EYS: variants seen among roughly 807,000 people sequenced by gnomAD.
The protein encoded by EYS is protein eyes shut homolog.
EYS carries 250 observed loss-of-function variants against 282.1 expected under a neutral mutation model. The ratio of observed to expected loss-of-function variants is 0.89; its 90% CI spans 0.80 to 0.98. The LOEUF (loss-of-function observed/expected upper bound fraction) is 0.98. Ranked by LOEUF, EYS falls within the 50% of genes least tolerant of loss-of-function variation. The probability of loss-of-function intolerance (pLI) is 0.00; values close to 1 mark genes in which losing one functional copy is unlikely to be tolerated. For synonymous variants in EYS, 1,355 were observed against 1,282.9 expected (o/e 1.06, Z -1.20); for missense variants, 4,016 against 3,709.0 (o/e 1.08, Z -2.15).
intron 5 of EYS, among the ~76,000 whole-genome samples, chr6:65,449,522 A>T (rs1318439032): frequency 6.6e-6 from 1 of 152,100 alleles, no homozygotes; most frequent in East Asian, 1.9e-4. Context: ...AGGTTAGTAT[A>T]CATTGTTGCC....
intron 8 of EYS, among the ~76,000 whole-genome samples, chr6:65,356,008 T>C (rs1764467878): frequency 6.6e-6 from 1 of 152,014 alleles, no homozygotes; most frequent in Non-Finnish European, 1.5e-5. Context: ...AATCATTATA[T>C]AAAAGAGATA....
In EYS at chr6:64,282,978, ACT is replaced by A. The variant is rs537809066; in HGVS notation, c.6191+23990_6191+23991del. Among the ~76,000 whole-genome samples, 410 of 152,064 alleles carry A rather than the reference ACT, an allele frequency of 2.7e-3. 1 individual carries two copies. The highest frequency in any genetic ancestry group is 4.3e-3 in the Non-Finnish European group (295 of 67,984). On this transcript the variant is annotated intron_variant, in intron 30 of 42. Transcript: ENST00000503581. ...ACATCATGTCTTGTCACTGCTCAAAACTCTGTTTCCCAGTCATACTGAAATTG... is the reference window on the plus strand; with the variant it reads ...ACATCATGTCTTGTCACTGCTCAAAACTGTTTCCCAGTCATACTGAAATTG...
chr6:65,302,069 A>T (rs1163657540), intron 11 of EYS, among the ~76,000 whole-genome samples: 35 of 151,960 alleles, frequency 2.3e-4, no homozygotes, highest in African/African-American at 8.2e-4. Context: ...TGATCCTTTG[A>T]CTCTCAAGTT....
intron 26 of EYS, among the ~76,000 whole-genome samples, chr6:64,550,033 C>T (rs142642664): frequency 2.0e-5 from 3 of 151,948 alleles, no homozygotes; most frequent in African/African-American, 7.3e-5. Flanking sequence ...GATGGTTTCC[C>T]GCTTCATCCA....
chr6:64,248,183 T>TTGTGTGTGTG (rs10589491), intron 30 of EYS, among the ~76,000 whole-genome samples: 149 of 146,400 alleles, frequency 1.0e-3, no homozygotes, highest in African/African-American at 3.5e-3. Context: ...CAGAAGAAGC[T>TTGTGTGTGTG]TGTGTGTGTG....
intron 15 of EYS, among the ~76,000 whole-genome samples, chr6:64,921,586 C>G (rs1362070376): frequency 6.6e-6 from 1 of 152,082 alleles, no homozygotes; most frequent in African/African-American, 2.4e-5. Flanking sequence ...AAGCCGGAGT[C>G]CAAGTGATAT....
chr6:63,854,121 T>G (rs1042963214), intron 36 of EYS, among the ~76,000 whole-genome samples: 3 of 152,176 alleles, frequency 2.0e-5, no homozygotes, highest in African/African-American at 7.2e-5. Context: ...CCCAAAGGAT[T>G]ATAAATCATT....
intron 8 of EYS, among the ~76,000 whole-genome samples, chr6:65,376,229 C>A (rs1036038077): frequency 6.6e-6 from 1 of 152,102 alleles, no homozygotes; most frequent in Non-Finnish European, 1.5e-5. Context: ...AGTCAACAAT[C>A]TTAAAGAAAA....
intron 28 of EYS, 68 bp from the exon 29 acceptor site, chr6:64,388,908 A>C: frequency 2.0e-6 from 2 of 1,002,584 alleles, no homozygotes; most frequent in Non-Finnish European, 2.8e-6. Flanking sequence ...CAAATTAATT[A>C]AACTATTATC....
At chr6:65,031,317 G>A (rs1408875522) in intron 13 of EYS, among the ~76,000 whole-genome samples, 1 of 151,574 alleles carries the variant, frequency 6.6e-6, no homozygotes, top group Non-Finnish European at 1.5e-5. Context: ...TATTAGAGAG[G>A]TCATGAAAGA....
At chr6:65,044,653 T>A (rs1418549509) in intron 13 of EYS, among the ~76,000 whole-genome samples, 1 of 151,848 alleles carries the variant, frequency 6.6e-6, no homozygotes, top group East Asian at 1.9e-4. Context: ...ACATCTGAAC[T>A]CAAATGCCAT....
intron 2 of EYS, among the ~76,000 whole-genome samples, chr6:65,609,681 T>C (rs951019084): frequency 2.0e-5 from 3 of 152,168 alleles, no homozygotes; most frequent in African/African-American, 2.4e-5. Context: ...CAAGTTCATA[T>C]TTCTTTGCAG....
chr6:65,559,929 A>C (rs1020025463), intron 2 of EYS, among the ~76,000 whole-genome samples: 2 of 151,384 alleles, frequency 1.3e-5, no homozygotes, highest in African/African-American at 4.8e-5. Context: ...TTTTTATTGC[A>C]GTCTTACTTA....
intron 1 of EYS, among the ~76,000 whole-genome samples, chr6:65,655,252 A>G (rs1229892197): frequency 1.3e-5 from 2 of 151,716 alleles, no homozygotes; most frequent in Admixed American, 6.6e-5. Flanking sequence ...TCAAGTAGAT[A>G]CAGCATAACT....
At chr6:64,685,619 G>T (rs368476272) in intron 22 of EYS, among the ~76,000 whole-genome samples, 4 of 152,052 alleles carry the variant, frequency 2.6e-5, no homozygotes, top group Non-Finnish European at 5.9e-5. Flanking sequence ...ATTCCTCCAC[G>T]AGTGGAAACA....
chr6:64,568,163 T>C (rs1765618627), intron 26 of EYS, among the ~76,000 whole-genome samples: 1 of 152,058 alleles, frequency 6.6e-6, no homozygotes, highest in Admixed American at 6.6e-5. Flanking sequence ...CTGATCATAA[T>C]AATTATGTGA....
At chr6:65,275,427 T>C (rs1768019417) in intron 12 of EYS, among the ~76,000 whole-genome samples, 1 of 152,202 alleles carries the variant, frequency 6.6e-6, no homozygotes, top group African/African-American at 2.4e-5. Flanking sequence ...ATGTATGTGA[T>C]TGGGCTTGAG....
chr6:64,869,562 C>A (rs1029350514), intron 19 of EYS, among the ~76,000 whole-genome samples: 7 of 151,220 alleles, frequency 4.6e-5, no homozygotes, highest in Non-Finnish European at 8.9e-5. Flanking sequence ...TTAGTTGAGA[C>A]CTGAATAGAA....
At chr6:65,178,468 C>T (rs1030069149) in intron 12 of EYS, among the ~76,000 whole-genome samples, 1 of 151,870 alleles carries the variant, frequency 6.6e-6, no homozygotes, top group Non-Finnish European at 1.5e-5. Context: ...CGAAGAAGGC[C>T]ATTACATAAT....
Sources: allele counts gnomAD v4.1 joint callset (sites outside exome capture counted in the v4.1 genomes callset), GRCh38; gene constraint gnomAD v4.1.1; transcripts MANE v1.5; gene names NCBI Gene and HGNC (gene_info 2026-07-23, HGNC 2026-07-21).